Variants in TNNI3K observed in about 807,000 individuals in gnomAD.
The protein encoded by TNNI3K is serine/threonine-protein kinase TNNI3K.
Under a neutral mutation model 114.5 loss-of-function variants are expected in TNNI3K, and 140 were observed. That is an observed-to-expected ratio of 1.22 (90% CI 1.07 to 1.41). TNNI3K has a LOEUF of 1.41. Ranked by LOEUF, TNNI3K falls within the 40% of genes most tolerant of loss-of-function variation. The pLI, the probability that TNNI3K is intolerant of heterozygous loss-of-function variation, is 0.00. For synonymous variants in TNNI3K, 347 were observed against 347.5 expected, an observed-to-expected ratio of 1.00 and a Z score of 0.02; for missense variants, 1,125 against 1,007.6, an observed-to-expected ratio of 1.12 and a Z score of -1.58.
intron 21 of TNNI3K, among the ~76,000 whole-genome samples, chr1:74,478,271 T>C (rs1668303794): frequency 1.3e-5 from 2 of 152,196 alleles, no homozygotes; most frequent in Admixed American, 6.5e-5. Flanking sequence ...ATGAAAGATA[T>C]ATTAGTATGA....
intron 17 of TNNI3K, among the ~76,000 whole-genome samples, chr1:74,394,002 C>A (rs761637752): frequency 2.6e-5 from 4 of 152,138 alleles, no homozygotes; most frequent in Non-Finnish European, 4.4e-5. Flanking sequence ...AGGTTGGGAC[C>A]CCTGTCATAC....
intron 23 of TNNI3K, among the ~76,000 whole-genome samples, chr1:74,533,786 A>G (rs1646624402): frequency 6.6e-6 from 1 of 152,140 alleles, no homozygotes; most frequent in African/African-American, 2.4e-5. Context: ...ATTGGAAATC[A>G]TCATTCTCAG....
chr1:74,361,651 G>T (rs568717349), intron 11 of TNNI3K, among the ~76,000 whole-genome samples: 1 of 152,056 alleles, frequency 6.6e-6, no homozygotes, highest in East Asian at 1.9e-4. Context: ...GAAAATATGG[G>T]TTAACAATAA....
intron 21 of TNNI3K, chr1:74,470,399 CTA>C: frequency 7.5e-6 from 3 of 400,700 alleles, no homozygotes; most frequent in Non-Finnish European, 1.3e-5. Context: ...ATTTTTATCT[CTA>C]GTGCTTCAGT....
At chr1:74,538,754 G>A (rs1325686150) in intron 23 of TNNI3K, among the ~76,000 whole-genome samples, 5 of 152,182 alleles carry the variant, frequency 3.3e-5, no homozygotes, top group East Asian at 1.9e-4. Flanking sequence ...GGGGATTTGC[G>A]TTTATTAAGA....
chr1:74,475,116 CCACACACACACA>C (rs3058791), intron 21 of TNNI3K, among the ~76,000 whole-genome samples: 59 of 135,994 alleles, frequency 4.3e-4, no homozygotes, highest in East Asian at 2.3e-3. Flanking sequence ...CCACCTCAGC[CCACACACACACA>C]CACACACACA....
Position 74,236,181 on chromosome 1 carries a change from A to G in TNNI3K, c.120A>G (p.Lys40=). The change falls in exon 2 of 25, where the codon AAA becomes AAG. Residue 40 remains lysine, a synonymous_variant. Coordinates refer to ENST00000326637, the MANE Select transcript of TNNI3K (RefSeq NM_015978.3). ...RLEDDLQIKE[K]ELTELRNIFG... The stretch of plus-strand genomic sequence containing the variant: ...AAGATGACCTGCAGATCAAGGAAAA[A>G]GAACTGACAGAACTAAGGAATATAT... 1 of 1,606,944 alleles carries G rather than the reference A, an allele frequency of 6.2e-7. No homozygotes were observed. Among genetic ancestry groups the G allele is most frequent in the Non-Finnish European group, 8.5e-7 (1 of 1,175,150 alleles).
At chr1:74,462,521 C>G (rs1043011503) in intron 20 of TNNI3K, among the ~76,000 whole-genome samples, 1 of 152,092 alleles carries the variant, frequency 6.6e-6, no homozygotes, top group African/African-American at 2.4e-5. Flanking sequence ...AAAGACTGCA[C>G]CAAACATTAG....
intron 21 of TNNI3K, among the ~76,000 whole-genome samples, chr1:74,465,655 G>T (rs1305526869): frequency 6.6e-6 from 1 of 152,206 alleles, no homozygotes; most frequent in African/African-American, 2.4e-5. Context: ...GCATGATGCA[G>T]GACTGGTGGG....
chr1:74,492,253 G>A lies in TNNI3K; in HGVS notation c.2338G>A (p.Ala780Thr), dbSNP rs1260579738. The A allele has an allele frequency of 3.2e-6, 5 of 1,575,910 alleles. No individual in the cohort carries two copies. The highest frequency in any genetic ancestry group is 4.3e-6 in the Non-Finnish European group (5 of 1,155,294). The change falls in exon 23 of 25, where the codon GCT (alanine) becomes ACT (threonine). Residue 780 changes from alanine to threonine, a missense_variant. Transcript: ENST00000326637. ...TGCTCTAAATGCAAGGTCCTATGCTGCTTTGTCCCAAAGGTGAGTGGTAAT... is the reference window on the plus strand; with the variant it reads ...TGCTCTAAATGCAAGGTCCTATGCTACTTTGTCCCAAAGGTGAGTGGTAAT... ...EYALNARSYA[A>T]LSQSAGQYSS...
intron 5 of TNNI3K, among the ~76,000 whole-genome samples, chr1:74,309,963 A>G (rs495394): frequency 0.99 from 150,900 of 152,272 alleles, 74,789 homozygotes; most frequent in Middle Eastern, 1. Context: ...AGACAGAGCA[A>G]TTAGGCAAGA....
At position 74,369,468 on chromosome 1, in the gene TNNI3K, A is replaced by G. The variant is rs138357965; in HGVS notation, c.1550A>G (p.Asn517Ser). The G allele has an allele frequency of 6.1e-5, 98 of 1,612,792 alleles. No homozygotes were observed. In the East Asian group the frequency reaches 8.3e-4, roughly 14 times the overall value. The change falls in exon 16 of 25, where the codon AAT becomes AGT. Residue 517 changes from asparagine to serine, a missense_variant. By Grantham distance (46) the Asn-to-Ser change is conservative. Coordinates refer to ENST00000326637, the MANE Select transcript of TNNI3K (RefSeq NM_015978.3). ...GAGGTGTCCATTCTCTGCCAGCTCAATCATCCCTGCGTAATTCAGTTTGTG... is the reference window on the plus strand; with the variant it reads ...GAGGTGTCCATTCTCTGCCAGCTCAGTCATCCCTGCGTAATTCAGTTTGTG... The part of the protein sequence containing the change: ...CREVSILCQL[N>S]HPCVIQFVGA...
chr1:74,356,587 A>G (rs1422593461), intron 11 of TNNI3K, among the ~76,000 whole-genome samples: 1 of 152,212 alleles, frequency 6.6e-6, no homozygotes, highest in Non-Finnish European at 1.5e-5. Flanking sequence ...TTTACAAAGC[A>G]TTAGTCTTCC....
At chr1:74,241,656 A>T (rs1429659675) in intron 2 of TNNI3K, among the ~76,000 whole-genome samples, 10 of 151,882 alleles carry the variant, frequency 6.6e-5, no homozygotes, top group Middle Eastern at 3.2e-3. Context: ...GTTTGAGTTC[A>T]TTGTAGATTC....
intron 4 of TNNI3K, among the ~76,000 whole-genome samples, chr1:74,266,813 A>T (rs1656022873): frequency 6.6e-6 from 1 of 151,962 alleles, no homozygotes; most frequent in Admixed American, 6.6e-5. Context: ...GCTAGTACAG[A>T]GTTGCAGTTA....
At chr1:74,442,255 T>C (rs1666407366) in intron 20 of TNNI3K, among the ~76,000 whole-genome samples, 2 of 152,052 alleles carry the variant, frequency 1.3e-5, no homozygotes, top group African/African-American at 4.8e-5. Flanking sequence ...TTTTGGTACA[T>C]TTTTCAAAAA....
At chr1:74,351,442 G>T (rs572095308) in intron 9 of TNNI3K, among the ~76,000 whole-genome samples, 3 of 151,752 alleles carry the variant, frequency 2.0e-5, no homozygotes, top group East Asian at 3.9e-4. Context: ...ACAATTATGT[G>T]TCTTGGAGTT....
chr1:74,532,071 G>C (rs1452605022), intron 23 of TNNI3K, among the ~76,000 whole-genome samples: 1 of 152,174 alleles, frequency 6.6e-6, no homozygotes, highest in Non-Finnish European at 1.5e-5. Context: ...ATGGTTTTCT[G>C]CTCAACATAG....
In TNNI3K at chr1:74,354,109, T is replaced by G; in HGVS notation, c.1157T>G (p.Leu386Trp). Reference sequence around the variant, plus strand: ...GGTGAAAAAGATGAGCAGACATGTTTGATGTGGGCTTATGAAAAAGGTATA... The same window carrying G: ...GGTGAAAAAGATGAGCAGACATGTTGGATGTGGGCTTATGAAAAAGGTATA... Reference protein sequence around the residue: ...SSGEKDEQTCLMWAYEKGHDA... With the variant: ...SSGEKDEQTCWMWAYEKGHDA... The change falls in exon 11 of 25, where the codon TTG becomes TGG. Residue 386 changes from leucine (L) to tryptophan (W), a missense_variant. Leu to Trp is a moderately conservative substitution (Grantham distance 61, BLOSUM62 -2). Transcript: ENST00000326637. The G allele has an allele frequency of 6.2e-7, 1 of 1,614,098 alleles. No individual in the cohort carries two copies. The highest frequency in any genetic ancestry group is 8.5e-7 in the Non-Finnish European group (1 of 1,179,974).
Sources: gnomAD v4.1 joint callset for allele counts (sites outside exome capture counted in the v4.1 genomes callset) on GRCh38, gnomAD v4.1.1 for gene constraint, MANE v1.5 for transcripts, NCBI Gene and HGNC (gene_info 2026-07-23, HGNC 2026-07-21) for gene names.